CCDC18: variants seen among roughly 807,000 people sequenced by gnomAD.
CCDC18 encodes coiled-coil domain-containing protein 18.
A neutral mutation model predicts 196.0 loss-of-function variants in CCDC18; 157 were observed. That is an observed-to-expected ratio of 0.80 (90% CI 0.70 to 0.91). CCDC18 has a LOEUF of 0.91. Among genes scored for constraint, CCDC18 ranks in the 40% least tolerant of loss-of-function variants. CCDC18 has a pLI of 0.00. For missense variants in CCDC18, 1,465 were observed against 1,611.6 expected (o/e 0.91, Z 1.56); for synonymous variants, 482 against 529.2 (o/e 0.91, Z 1.22).
At position 93,201,864 on chromosome 1, in the gene CCDC18, T is replaced by C; in HGVS notation, c.699-28T>C. 3 of 1,412,826 alleles carry C rather than the reference T, an allele frequency of 2.1e-6. No individual in the cohort carries two copies. In the South Asian group the frequency reaches 3.9e-5, roughly 18 times the overall value. 87.5% of individuals were successfully genotyped at this position (1,412,826 alleles called of 1,614,324 possible). A position where few individuals can be genotyped will look rare whatever the true frequency, so the allele number is the denominator to read the frequency against. On this transcript the variant is annotated intron_variant, in intron 6 of 28. Coordinates refer to ENST00000690025, the MANE Select transcript of CCDC18 (RefSeq NM_001378204.1). ...TTCAAATGCAGAGCATTCTTCACTT[T>C]TATTCATTATCTCTTTTTAAATTTT... is the stretch of plus-strand genomic sequence containing the variant.
chr1:93,226,528 T>C, intron 17 of CCDC18, 79 bp downstream of exon 17: 3 of 250,968 alleles, frequency 1.2e-5, no homozygotes, highest in East Asian at 1.0e-4. Context: ...GGACAAAATA[T>C]ATATATATAT....
chr1:93,191,863 A>G lies in CCDC18; in HGVS notation c.463-137A>G, dbSNP rs1651866924. ...TGCCCATGTAAATGTTGATCAAAGG[A>G]ATAGATGGGAAGCTTTATATCTGAC... is the stretch of plus-strand genomic sequence containing the variant. On this transcript the variant is annotated intron_variant, in intron 4 of 28. Transcript: ENST00000690025. 17 of 597,314 alleles carry G rather than the reference A, an allele frequency of 2.8e-5. No homozygotes were observed. In the South Asian group the frequency reaches 3.9e-4, roughly 14 times the overall value. The allele number at this position is 597,314 out of a possible 1,614,324, so 37.0% of individuals were successfully genotyped here.
At chr1:93,274,848 C>T (rs1665543108) in intron 28 of CCDC18, among the ~76,000 whole-genome samples, 1 of 152,112 alleles carries the variant, frequency 6.6e-6, no homozygotes, top group Non-Finnish European at 1.5e-5. Context: ...CAAACGTAGC[C>T]TATTGTTAAA....
At chr1:93,265,068 T>C (rs1664317292) in intron 27 of CCDC18, 167 bp downstream of exon 27, 3 of 567,216 alleles carry the variant, frequency 5.3e-6, no homozygotes, top group Admixed American at 6.5e-5. Flanking sequence ...ATTAAGATGA[T>C]GTACATCTTA....
intron 18 of CCDC18, 59 bp downstream of exon 18, chr1:93,232,652 T>G: frequency 7.6e-7 from 1 of 1,310,000 alleles, no homozygotes; most frequent in African/African-American, 1.5e-5. Context: ...TTTAAAATCA[T>G]GAATAGATTT....
At chr1:93,202,351 C>A (rs1268156713) in intron 7 of CCDC18, among the ~76,000 whole-genome samples, 2 of 152,168 alleles carry the variant, frequency 1.3e-5, no homozygotes, top group African/African-American at 4.8e-5. Context: ...TGGTCTCCCT[C>A]AGTCTGCTAC....
chr1:93,227,224 G>A (rs1183426416), intron 17 of CCDC18, among the ~76,000 whole-genome samples: 4 of 138,734 alleles, frequency 2.9e-5, no homozygotes, highest in African/African-American at 1.1e-4. Flanking sequence ...TGTCGCCCAG[G>A]CTCGGCTCAC....
intron 4 of CCDC18, among the ~76,000 whole-genome samples, chr1:93,191,215 G>A (rs574015464): frequency 1.3e-5 from 2 of 151,698 alleles, no homozygotes; most frequent in South Asian, 4.2e-4. Context: ...TAATTCCCTT[G>A]TTACAGCTGT....
chr1:93,182,078 G>A (rs950820608), intron 1 of CCDC18, among the ~76,000 whole-genome samples: 1 of 152,190 alleles, frequency 6.6e-6, no homozygotes, highest in African/African-American at 2.4e-5. Flanking sequence ...GGTAAAGCAG[G>A]ATGGGGACCT....
chr1:93,239,976 G>A (rs1660554570), intron 21 of CCDC18, 80 bp downstream of exon 21: 5 of 993,544 alleles, frequency 5.0e-6, no homozygotes, highest in East Asian at 2.6e-5. Flanking sequence ...CATTCTAGAC[G>A]TCTAAATTTC....
chr1:93,184,212 ATT>A, intron 3 of CCDC18, 66 bp downstream of exon 3: 1 of 816,310 alleles, frequency 1.2e-6, no homozygotes, highest in Non-Finnish European at 1.6e-6. Flanking sequence ...CTTAAAAAAA[ATT>A]TTTTTTAATT....
chr1:93,246,691 A>G, intron 22 of CCDC18, 147 bp from the exon 23 acceptor site: 1 of 492,230 alleles, frequency 2.0e-6, no homozygotes, highest in East Asian at 3.6e-5. Flanking sequence ...ATTTGAGTTT[A>G]TACTAAAGCA....
At chr1:93,243,664 C>A (rs115615138) in intron 21 of CCDC18, among the ~76,000 whole-genome samples, 3,792 of 152,230 alleles carry the variant, frequency 0.025, 133 homozygotes, top group African/African-American at 0.081. Flanking sequence ...GAAATTTCTT[C>A]CACCAGATAC....
intron 23 of CCDC18, among the ~76,000 whole-genome samples, chr1:93,250,231 A>C (rs1026056471): frequency 7.2e-5 from 11 of 151,990 alleles, no homozygotes; most frequent in Non-Finnish European, 1.0e-4. Context: ...GTGAAAAAAA[A>C]TTAGCCAGGT....
chr1:93,221,920 C>T lies in CCDC18; in HGVS notation c.2159C>T (p.Ser720Phe), dbSNP rs1165899453. Reference protein sequence around the residue: ...EALKALQNQVSEETIKVRQLD... With the variant: ...EALKALQNQVFEETIKVRQLD... The stretch of plus-strand genomic sequence containing the variant: ...TTAAAAGCATTACAGAACCAAGTAT[C>T]TGAAGAAACAATCAAGGCTAGTATG... Residue 720 changes from serine to phenylalanine, a missense_variant, in exon 16 of 29, where the codon TCT becomes TTT. Physicochemically the swap from Ser to Phe is radical, Grantham distance 155. Transcript: ENST00000690025. The T allele has an allele frequency of 2.1e-5, 34 of 1,586,906 alleles. No individual in the cohort carries two copies. Among genetic ancestry groups the T allele is most frequent in the Non-Finnish European group, 2.8e-5 (33 of 1,165,212 alleles).
intron 6 of CCDC18, among the ~76,000 whole-genome samples, chr1:93,197,520 G>A (rs1652933930): frequency 1.3e-5 from 2 of 151,956 alleles, no homozygotes; most frequent in Admixed American, 1.3e-4. Flanking sequence ...ATGTGTGTGT[G>A]TGTGTACATA....
chr1:93,235,175 G>C (rs902427242), intron 18 of CCDC18, among the ~76,000 whole-genome samples: 1 of 151,980 alleles, frequency 6.6e-6, no homozygotes, highest in Non-Finnish European at 1.5e-5. Flanking sequence ...AGGGATTTTA[G>C]AAGAACGGGG....
chr1:93,254,413 A>G, intron 23 of CCDC18, 58 bp from the exon 24 acceptor site: 1 of 1,279,208 alleles, frequency 7.8e-7, no homozygotes, highest in Non-Finnish European at 1.1e-6. Context: ...GGAACACAGC[A>G]TTGATTAAAT....
At chr1:93,248,708 G>T (rs930226154) in intron 23 of CCDC18, among the ~76,000 whole-genome samples, 3 of 152,136 alleles carry the variant, frequency 2.0e-5, no homozygotes, top group African/African-American at 4.8e-5. Flanking sequence ...AGGCACGGTG[G>T]TGCGTGCCTG....
Sources: allele counts gnomAD v4.1 joint callset (sites outside exome capture counted in the v4.1 genomes callset), GRCh38; gene constraint gnomAD v4.1.1; transcripts MANE v1.5; gene names NCBI Gene and HGNC (gene_info 2026-07-23, HGNC 2026-07-21).